DNAJB14: variants seen among roughly 807,000 people sequenced by gnomAD.
DNAJB14 encodes the protein DnaJ heat shock protein family (Hsp40) member B14, also known as dnaJ homolog subfamily B member 14.
Under a neutral mutation model 48.4 loss-of-function variants are expected in DNAJB14, and 22 were observed. That is an observed-to-expected ratio of 0.45 (90% CI 0.32 to 0.65). The LOEUF (loss-of-function observed/expected upper bound fraction) is 0.65. DNAJB14 is among the 30% of genes least tolerant of loss of function. DNAJB14 has a pLI of 0.03. For missense variants in DNAJB14, 319 were observed against 458.8 expected (o/e 0.70, Z 2.78); for synonymous variants, 142 against 158.7 (o/e 0.89, Z 0.79).
At chr4:99,933,664 A>T (rs1726565136) in intron 1 of DNAJB14, among the ~76,000 whole-genome samples, 1 of 152,176 alleles carries the variant, frequency 6.6e-6, no homozygotes, top group African/African-American at 2.4e-5. Flanking sequence ...GGTCTAAGGG[A>T]GGTAGTGGTT....
At chr4:99,938,632 A>C (rs1348167653) in intron 1 of DNAJB14, among the ~76,000 whole-genome samples, 1 of 152,182 alleles carries the variant, frequency 6.6e-6, no homozygotes, top group South Asian at 2.1e-4. Flanking sequence ...CTGATAAAGC[A>C]AACGTAAAAA....
chr4:99,912,634 C>T (rs1051048167), intron 3 of DNAJB14, among the ~76,000 whole-genome samples: 4 of 152,174 alleles, frequency 2.6e-5, no homozygotes, highest in Non-Finnish European at 5.9e-5. Flanking sequence ...CATGCGCCAC[C>T]ACGCCTCGCT....
chr4:99,923,401 C>T (rs1276182044), intron 2 of DNAJB14, among the ~76,000 whole-genome samples: 1 of 152,038 alleles, frequency 6.6e-6, no homozygotes, highest in Non-Finnish European at 1.5e-5. Flanking sequence ...GAAGAGTAAA[C>T]CATGAAAATG....
intron 3 of DNAJB14, among the ~76,000 whole-genome samples, chr4:99,916,403 G>A (rs1344701238): frequency 6.6e-6 from 1 of 152,224 alleles, no homozygotes; most frequent in Non-Finnish European, 1.5e-5. Flanking sequence ...CTCCCAAAGT[G>A]CTAGGAATAT....
At chr4:99,915,987 A>T (rs1725841122) in intron 3 of DNAJB14, among the ~76,000 whole-genome samples, 1 of 152,234 alleles carries the variant, frequency 6.6e-6, no homozygotes, top group Non-Finnish European at 1.5e-5. Context: ...CTTCTCTGGT[A>T]ATTTTTTTTA....
intron 2 of DNAJB14, chr4:99,924,846 T>G (rs1292378318): frequency 1.3e-6 from 2 of 1,481,850 alleles, no homozygotes; most frequent in Non-Finnish European, 1.9e-6. Flanking sequence ...TATAACTAAT[T>G]TGACTGCATA....
At chr4:99,914,952 A>G (rs1725797218) in intron 3 of DNAJB14, among the ~76,000 whole-genome samples, 1 of 151,980 alleles carries the variant, frequency 6.6e-6, no homozygotes, top group Non-Finnish European at 1.5e-5. Context: ...TTTTTTTCAG[A>G]GAACCAGCTC....
chr4:99,928,912 A>G (rs1726356478), intron 2 of DNAJB14: 1 of 154,314 alleles, frequency 6.5e-6, no homozygotes, highest in African/African-American at 2.4e-5. Context: ...TTTACAAAAT[A>G]AATTCAAAAG....
At position 99,898,963 on chromosome 4, in the gene DNAJB14, A is replaced by G. The variant is rs926659704; in HGVS notation, c.*2065T>C. On this transcript the variant is annotated 3_prime_UTR_variant, in exon 8 of 8. Coordinates refer to ENST00000442697, the MANE Select transcript of DNAJB14 (RefSeq NM_001031723.4). ...ATGTGGCTTAAATTGTCAGGCACTC[A>G]GTCTGTCATTTCTCACTGCAGAAAA... The G allele has an allele frequency of 1.3e-5, 2 of 151,966 alleles. No homozygotes were observed. The highest frequency in any genetic ancestry group is 4.8e-5 in the African/African-American group (2 of 41,452). The allele number at this position is 151,966 out of a possible 1,614,324, so 9.4% of individuals were successfully genotyped here. A position where few individuals can be genotyped will look rare whatever the true frequency, so the allele number is the denominator to read the frequency against.
At chr4:99,936,833 T>C (rs1726694026) in intron 1 of DNAJB14, among the ~76,000 whole-genome samples, 1 of 152,214 alleles carries the variant, frequency 6.6e-6, no homozygotes, top group Admixed American at 6.5e-5. Context: ...TAATTGAGGC[T>C]GAATGCTAAC....
Position 99,901,031 on chromosome 4 carries a change from T to A in DNAJB14, c.1137A>T (p.Gly379=), listed in dbSNP as rs753636506. The part of the protein sequence containing the change: ...LERLTSLYKG[G] Reference sequence around the variant, plus strand: ...AGGTATAAATAAAAATTCCAGTTCATCCTCCTTTATAAAGACTGGTAAGCC... The same window carrying A: ...AGGTATAAATAAAAATTCCAGTTCAACCTCCTTTATAAAGACTGGTAAGCC... Residue 379 remains glycine, a synonymous_variant, in exon 8 of 8, where the codon GGA becomes GGT. Coordinates refer to ENST00000442697, the MANE Select transcript of DNAJB14 (RefSeq NM_001031723.4). The A allele has an allele frequency of 1.2e-6, 2 of 1,603,020 alleles. No individual in the cohort carries two copies.
At chr4:99,904,387 C>G (rs991922404) in intron 6 of DNAJB14, among the ~76,000 whole-genome samples, 9 of 152,096 alleles carry the variant, frequency 5.9e-5, no homozygotes, top group Non-Finnish European at 1.0e-4. Context: ...ACATGGGTGG[C>G]TGAGATAGTG....
chr4:99,924,639 C>T, intron 2 of DNAJB14: 1 of 1,282,570 alleles, frequency 7.8e-7, no homozygotes, highest in East Asian at 2.5e-5. Context: ...AGGCATTTGA[C>T]ATATATCTGT....
At chr4:99,908,157 C>A (rs1169103081) in intron 4 of DNAJB14, among the ~76,000 whole-genome samples, 1 of 152,014 alleles carries the variant, frequency 6.6e-6, no homozygotes, top group Non-Finnish European at 1.5e-5. Flanking sequence ...AGTATCACTA[C>A]AATATTTCAC....
At chr4:99,920,869 T>A (rs1255213989) in intron 3 of DNAJB14, among the ~76,000 whole-genome samples, 1 of 152,216 alleles carries the variant, frequency 6.6e-6, no homozygotes, top group Non-Finnish European at 1.5e-5. Flanking sequence ...AAAAAGTGTT[T>A]TAGTAATTAC....
intron 1 of DNAJB14, among the ~76,000 whole-genome samples, chr4:99,943,147 T>C (rs1368472842): frequency 6.6e-6 from 1 of 152,172 alleles, no homozygotes; most frequent in Non-Finnish European, 1.5e-5. Flanking sequence ...AATCCTGTGA[T>C]GACATCTTCA....
Position 99,906,083 on chromosome 4 carries a change from G to T in DNAJB14, c.733-377C>A, listed in dbSNP as rs929059241. The stretch of plus-strand genomic sequence containing the variant: ...ATGGGAGCTGATGAGTGGCAAAGCT[G>T]GGGGCCAGGCCTTTTAATTTCTAGT... On this transcript the variant is annotated intron_variant, in intron 5 of 7. Transcript: ENST00000442697. 39 of 1,314,496 alleles carry T rather than the reference G, an allele frequency of 3.0e-5. No individual in the cohort carries two copies. The African/African-American group carries it at 5.5e-4, about 19-fold the overall frequency. The allele number at this position is 1,314,496 out of a possible 1,614,324, so 81.4% of individuals were successfully genotyped here. A position where few individuals can be genotyped will look rare whatever the true frequency, so the allele number is the denominator to read the frequency against.
intron 2 of DNAJB14, chr4:99,926,660 G>T (rs1263854712): frequency 6.6e-6 from 1 of 151,980 alleles, no homozygotes; most frequent in Non-Finnish European, 1.5e-5. Context: ...TAAAAAGACA[G>T]CTGGATACTG....
chr4:99,920,019 G>A (rs1725996685), intron 3 of DNAJB14, among the ~76,000 whole-genome samples: 1 of 151,966 alleles, frequency 6.6e-6, no homozygotes. Flanking sequence ...AGTCTGTTTT[G>A]GTATTTAAAT....
Sources: gnomAD v4.1 joint callset for allele counts (sites outside exome capture counted in the v4.1 genomes callset) on GRCh38, gnomAD v4.1.1 for gene constraint, MANE v1.5 for transcripts, NCBI Gene and HGNC (gene_info 2026-07-23, HGNC 2026-07-21) for gene names.